KCNN3: variants seen among roughly 807,000 people sequenced by gnomAD.
KCNN3 encodes small conductance calcium-activated potassium channel protein 3.
In KCNN3, 16 loss-of-function variants were observed where a neutral mutation model predicts 62.9. That is an observed-to-expected ratio of 0.25 (90% CI 0.17 to 0.39). KCNN3 has a LOEUF of 0.39. Among genes scored for constraint, KCNN3 ranks in the 10% least tolerant of loss-of-function variants. The pLI is 1.00. For synonymous variants in KCNN3, 370 were observed against 389.2 expected (o/e 0.95, Z 0.58); for missense variants, 599 against 949.4 (o/e 0.63, Z 4.85).
chr1:154,718,621 C>T (rs1260392721), intron 5 of KCNN3, among the ~76,000 whole-genome samples: 1 of 152,184 alleles, frequency 6.6e-6, no homozygotes, highest in Non-Finnish European at 1.5e-5. Context: ...TAGCAAGTGA[C>T]GGTACCACAG....
intron 2 of KCNN3, among the ~76,000 whole-genome samples, chr1:154,816,963 A>T (rs1353635988): frequency 6.6e-6 from 1 of 152,118 alleles, no homozygotes; most frequent in Non-Finnish European, 1.5e-5. Flanking sequence ...AGACATTCCC[A>T]GTGTGCTCTG....
intron 2 of KCNN3, among the ~76,000 whole-genome samples, chr1:154,789,168 C>T (rs1272286391): frequency 6.6e-6 from 1 of 152,196 alleles, no homozygotes; most frequent in Non-Finnish European, 1.5e-5. Flanking sequence ...AGAGGGCCTG[C>T]CTTCCCTGCC....
intron 3 of KCNN3, among the ~76,000 whole-genome samples, chr1:154,764,253 C>T (rs1308991598): frequency 2.0e-5 from 3 of 152,102 alleles, no homozygotes; most frequent in Non-Finnish European, 2.9e-5. Flanking sequence ...TGAAATTCTT[C>T]CTTCCTGCTT....
chr1:154,870,003 A>T lies in KCNN3; in HGVS notation c.-39T>A. 6.3e-7 allele frequency: 1 copy of T among 1,597,614 alleles called. No homozygotes were observed. Among genetic ancestry groups the T allele is most frequent in the Non-Finnish European group, 8.5e-7 (1 of 1,170,866 alleles). ...TGTATTCCCTGCAGCACAAGCCCCC[A>T]CCCCAAAGCCACCCTCGCTCCAAAG... On this transcript the variant is annotated 5_prime_UTR_variant, in exon 1 of 8. Transcript: ENST00000271915.
Position 154,708,187 on chromosome 1 carries a change from T to C in KCNN3, c.1985A>G (p.Lys662Arg), listed in dbSNP as rs1449279449. The C allele has an allele frequency of 6.2e-7, 1 of 1,613,828 alleles. No individual in the cohort carries two copies. Reference sequence around the variant, plus strand: ...GAAGCTGGCGGTGAGATGCTCCAGCTTCGACTCCAGGCTGCCAATCTGCTT... The same window carrying C: ...GAAGCTGGCGGTGAGATGCTCCAGCCTCGACTCCAGGCTGCCAATCTGCTT... ...LEKQIGSLES[K>R]LEHLTASFNS... The change falls in exon 8 of 8, where the codon AAG (lysine) becomes AGG (arginine). Residue 662 changes from lysine (K) to arginine (R), a missense_variant. By Grantham distance (26) the Lys-to-Arg change is conservative. This residue lies in a region of KCNN3 where 288 missense variants were observed against 557.4 expected (regional missense o/e 0.52). Transcript: ENST00000271915.
At chr1:154,745,501 C>A (rs916677880) in intron 3 of KCNN3, among the ~76,000 whole-genome samples, 1 of 152,232 alleles carries the variant, frequency 6.6e-6, no homozygotes, top group South Asian at 2.1e-4. Context: ...CTGGATGCAA[C>A]CTCTGCAGGC....
intron 7 of KCNN3, among the ~76,000 whole-genome samples, chr1:154,711,620 T>C (rs1443755701): frequency 6.6e-6 from 1 of 151,996 alleles, no homozygotes; most frequent in Non-Finnish European, 1.5e-5. Context: ...GGAAGAAACA[T>C]CCTGGGGCAG....
chr1:154,785,204 A>G (rs1378607539), intron 2 of KCNN3, among the ~76,000 whole-genome samples: 1 of 152,234 alleles, frequency 6.6e-6, no homozygotes, highest in Non-Finnish European at 1.5e-5. Context: ...GAGGAACAGC[A>G]TCATCACTGG....
chr1:154,831,706 A>G (rs1239727474), intron 1 of KCNN3, among the ~76,000 whole-genome samples: 1 of 152,006 alleles, frequency 6.6e-6, no homozygotes. Flanking sequence ...AGGGGTTGGA[A>G]ACTCACTTCC....
At chr1:154,833,365 T>C (rs1451834054) in intron 1 of KCNN3, among the ~76,000 whole-genome samples, 2 of 152,206 alleles carry the variant, frequency 1.3e-5, no homozygotes, top group Non-Finnish European at 2.9e-5. Flanking sequence ...GAGGCTGTTC[T>C]GGAGTTTCCC....
intron 2 of KCNN3, among the ~76,000 whole-genome samples, chr1:154,814,090 T>G (rs914312254): frequency 5.8e-4 from 88 of 152,222 alleles, no homozygotes; most frequent in African/African-American, 2.0e-3. Context: ...AGGGCCATGG[T>G]GGGCATGGCC....
At position 154,870,096 on chromosome 1, in the gene KCNN3, C is replaced by T. The variant is rs1402709065; in HGVS notation, c.-132G>A. ...ATCTTGGCTCCAGTCCTCTCTTTGG[C>T]TTGCTTCGGTTCTCTGGGGCTGCCT... is the stretch of plus-strand genomic sequence containing the variant. On this transcript the variant is annotated 5_prime_UTR_variant, in exon 1 of 8. Coordinates refer to ENST00000271915, the MANE Select transcript of KCNN3 (RefSeq NM_002249.6). 3.6e-6 allele frequency: 4 copies of T among 1,109,674 alleles called. No individual in the cohort carries two copies. Among genetic ancestry groups the T allele is most frequent in the Non-Finnish European group, 5.4e-6 (4 of 745,176 alleles). The allele number at this position is 1,109,674 out of a possible 1,614,324, so 68.7% of individuals were successfully genotyped here. A position where few individuals can be genotyped will look rare whatever the true frequency, so the allele number is the denominator to read the frequency against.
In KCNN3 at chr1:154,832,426, T is replaced by C. The variant is rs372106035; in HGVS notation, c.934-10242A>G. ...CTAGTCCCAGCCCCCAGATCTGTCCTGGCATCCAGGGTGTACAGAGTTACA... is the reference window on the plus strand; with the variant it reads ...CTAGTCCCAGCCCCCAGATCTGTCCCGGCATCCAGGGTGTACAGAGTTACA... On this transcript the variant is annotated intron_variant, in intron 1 of 7. Transcript: ENST00000271915. Among the ~76,000 whole-genome samples the C allele has an allele frequency of 4.1e-4, 63 of 152,120 alleles. 1 individual carries two copies. In the South Asian group the frequency reaches 0.012, roughly 30 times the overall value.
chr1:154,807,748 G>A (rs1206323829), intron 2 of KCNN3, among the ~76,000 whole-genome samples: 1 of 152,202 alleles, frequency 6.6e-6, no homozygotes, highest in Non-Finnish European at 1.5e-5. Flanking sequence ...AGATCCGACA[G>A]AGCAAGACAA....
At chr1:154,792,644 A>G (rs1278051744) in intron 2 of KCNN3, among the ~76,000 whole-genome samples, 1 of 152,192 alleles carries the variant, frequency 6.6e-6, no homozygotes, top group Admixed American at 6.5e-5. Flanking sequence ...GGTTAGAGAG[A>G]TTGTCAAACC....
intron 2 of KCNN3, among the ~76,000 whole-genome samples, chr1:154,814,309 C>T (rs1250707520): frequency 6.6e-6 from 1 of 152,234 alleles, no homozygotes; most frequent in Non-Finnish European, 1.5e-5. Context: ...TTGAATAGCA[C>T]CTACTATGTG....
chr1:154,718,375 C>A (rs1700275815), intron 5 of KCNN3, among the ~76,000 whole-genome samples: 1 of 152,218 alleles, frequency 6.6e-6, no homozygotes, highest in South Asian at 2.1e-4. Context: ...AGAAAGTGGT[C>A]CAATGAAGAC....
At chr1:154,754,996 T>C (rs1451482380) in intron 3 of KCNN3, among the ~76,000 whole-genome samples, 1 of 152,166 alleles carries the variant, frequency 6.6e-6, no homozygotes, top group Non-Finnish European at 1.5e-5. Context: ...GGTGCAGGGA[T>C]GTATTCAAGA....
rs75886730 is a variant in KCNN3, at chr1:154,790,775, C to T, written c.1030-18382G>A. ...TGGGACTATCTCTCTCTGTAGGATT[C>T]GGTACTATCTGCAGTTTTAGACATC... On this transcript the variant is annotated intron_variant, in intron 2 of 7. Transcript: ENST00000271915. Among the ~76,000 whole-genome samples, 1,243 of 152,284 alleles carry T rather than the reference C, an allele frequency of 8.2e-3. 8 individuals are homozygous for T. The highest frequency in any genetic ancestry group is 0.013 in the Non-Finnish European group (916 of 68,026).
Sources: allele counts gnomAD v4.1 joint callset (sites outside exome capture counted in the v4.1 genomes callset), GRCh38; gene constraint gnomAD v4.1.1; regional missense constraint gnomAD v4.1.1; transcripts MANE v1.5; gene names NCBI Gene and HGNC (gene_info 2026-07-23, HGNC 2026-07-21).